ZNF544: variants seen among roughly 807,000 people sequenced by gnomAD.
ZNF544 encodes zinc finger protein AF020591.
Under a neutral mutation model 13.5 loss-of-function variants are expected in ZNF544, and 10 were observed. That is an observed-to-expected ratio of 0.74 (90% CI 0.46 to 1.25). The LOEUF (loss-of-function observed/expected upper bound fraction) is 1.25. ZNF544 is among the 50% of genes most tolerant of loss of function. The pLI, the probability that ZNF544 is intolerant of heterozygous loss-of-function variation, is 0.00. For missense variants in ZNF544, 896 were observed against 845.6 expected (o/e 1.06, Z -0.74); for synonymous variants, 323 against 300.5 (o/e 1.07, Z -0.77).
At chr19:58,238,798 G>A (rs975969339) in intron 3 of ZNF544, among the ~76,000 whole-genome samples, 1 of 151,386 alleles carries the variant, frequency 6.6e-6, no homozygotes, top group Non-Finnish European at 1.5e-5. Flanking sequence ...TCCTTTCCAT[G>A]TAGGGTCACA....
At chr19:58,246,650 C>T in intron 5 of ZNF544, 61 bp from the exon 6 acceptor site, 1 of 1,587,502 alleles carries the variant, frequency 6.3e-7, no homozygotes, top group East Asian at 2.2e-5. Flanking sequence ...GAAGCTTGGA[C>T]CCAGGACATG....
chr19:58,254,748 G>A (rs1208467127), intron 6 of ZNF544, among the ~76,000 whole-genome samples: 1 of 152,146 alleles, frequency 6.6e-6, no homozygotes, highest in Non-Finnish European at 1.5e-5. Flanking sequence ...TTCCTCACAG[G>A]ACTAAGGAGG....
rs756799437 is a variant in ZNF544, at chr19:58,262,001, G to A, written c.1395G>A (p.Glu465=). The A allele has an allele frequency of 1.2e-6, 2 of 1,611,566 alleles. No homozygotes were observed. Among genetic ancestry groups the A allele is most frequent in the African/African-American group, 2.7e-5 (2 of 74,118 alleles). The change falls in exon 7 of 7, where the codon GAG becomes GAA. Residue 465 remains glutamate, a synonymous_variant. Transcript: ENST00000687789. ...QRIHTGEKPY[E]CTHCGKSFSQ... is the part of the protein sequence containing the mutation. ...TTCATACTGGAGAGAAACCGTATGAGTGCACTCACTGTGGAAAGTCCTTCA... is the reference window on the plus strand; with the variant it reads ...TTCATACTGGAGAGAAACCGTATGAATGCACTCACTGTGGAAAGTCCTTCA...
intron 4 of ZNF544, chr19:58,245,983 A>T: frequency 2.7e-6 from 1 of 369,988 alleles, no homozygotes; most frequent in Admixed American, 3.8e-5. Context: ...AACAGAATTG[A>T]CTGCTCATAG....
chr19:58,270,124 TC>T (rs2050446751), intron 5 of ZNF544, among the ~76,000 whole-genome samples: 1 of 152,170 alleles, frequency 6.6e-6, no homozygotes, highest in Admixed American at 6.5e-5. Context: ...TGGTTATAGT[TC>T]CTATGTGAAG....
intron 5 of ZNF544, among the ~76,000 whole-genome samples, chr19:58,271,215 GAAAAAAA>G (rs78260094): frequency 8.6e-6 from 1 of 116,946 alleles, no homozygotes; most frequent in South Asian, 2.8e-4. Flanking sequence ...CCGTCTCCAG[GAAAAAAA>G]AAAAAAAAAA....
intron 5 of ZNF544, among the ~76,000 whole-genome samples, chr19:58,275,810 G>GA (rs1397916855): frequency 1.3e-3 from 94 of 74,126 alleles, no homozygotes; most frequent in African/African-American, 3.5e-3. Context: ...AAAGGAAAGA[G>GA]GAAATAATAG....
intron 3 of ZNF544, among the ~76,000 whole-genome samples, chr19:58,241,574 G>T (rs2043874336): frequency 6.7e-6 from 1 of 150,340 alleles, no homozygotes; most frequent in African/African-American, 2.5e-5. Context: ...TCAGCTCACT[G>T]CAAGCTCCGC....
At chr19:58,238,308 G>A (rs1354506472) in intron 3 of ZNF544, among the ~76,000 whole-genome samples, 1 of 152,176 alleles carries the variant, frequency 6.6e-6, no homozygotes, top group Admixed American at 6.5e-5. Flanking sequence ...GCGAAAAGCT[G>A]GCACTCCACA....
chr19:58,250,087 T>C (rs1216168787), intron 6 of ZNF544, among the ~76,000 whole-genome samples: 1 of 152,208 alleles, frequency 6.6e-6, no homozygotes, highest in African/African-American at 2.4e-5. Context: ...TCTAGTCCAA[T>C]TGGCTGGTAA....
chr19:58,252,041 G>A (rs759773136), intron 6 of ZNF544, among the ~76,000 whole-genome samples: 2 of 152,092 alleles, frequency 1.3e-5, no homozygotes, highest in Admixed American at 6.6e-5. Context: ...TTCTGGTAGG[G>A]TACACTTCAA....
chr19:58,242,200 T>C, intron 3 of ZNF544: 1 of 984,222 alleles, frequency 1.0e-6, no homozygotes, highest in Non-Finnish European at 1.2e-6. Flanking sequence ...TGCTGTGAGG[T>C]GGCCCATGCT....
intron 5 of ZNF544, 88 bp from the exon 6 acceptor site, chr19:58,246,623 G>A (rs934468707): frequency 7.2e-6 from 11 of 1,524,742 alleles, no homozygotes; most frequent in Non-Finnish European, 9.9e-6. Flanking sequence ...AGTTTCCTCG[G>A]GACAGCACTA....
intron 6 of ZNF544, among the ~76,000 whole-genome samples, chr19:58,249,189 C>A (rs1201303746): frequency 6.6e-6 from 1 of 152,174 alleles, no homozygotes; most frequent in Non-Finnish European, 1.5e-5. Flanking sequence ...GGTTTCTTGC[C>A]TCCATACCCT....
chr19:58,274,309 A>T (rs1490615732), intron 5 of ZNF544, among the ~76,000 whole-genome samples: 1 of 152,166 alleles, frequency 6.6e-6, no homozygotes, highest in African/African-American at 2.4e-5. Flanking sequence ...AAAGAGCTGA[A>T]ATGAGGTCAT....
downstream of ZNF544, among the ~76,000 whole-genome samples, chr19:58,269,049 C>T (rs1382285505): frequency 6.6e-6 from 1 of 152,154 alleles, no homozygotes; most frequent in African/African-American, 2.4e-5. Flanking sequence ...GGGAAACTTC[C>T]CCAGGGCTGA....
intron 6 of ZNF544, among the ~76,000 whole-genome samples, chr19:58,249,517 T>C (rs2045946018): frequency 6.6e-6 from 1 of 152,172 alleles, no homozygotes; most frequent in South Asian, 2.1e-4. Context: ...CCAAGGCAAG[T>C]ATAGTCATTA....
chr19:58,253,901 TATTTTCATTTTACCA>T (rs1027948055), intron 6 of ZNF544, among the ~76,000 whole-genome samples: 100 of 152,372 alleles, frequency 6.6e-4, no homozygotes, highest in African/African-American at 2.2e-3. Context: ...AAGACATTTC[TATTTTCATTTTACCA>T]ATAATTTTAA....
At chr19:58,274,877 C>T (rs552905454) in intron 5 of ZNF544, among the ~76,000 whole-genome samples, 2 of 152,210 alleles carry the variant, frequency 1.3e-5, no homozygotes, top group South Asian at 4.1e-4. Context: ...AGAGGAATAG[C>T]ACTGGGTAGT....
Sources: gnomAD v4.1 joint callset for allele counts (sites outside exome capture counted in the v4.1 genomes callset) on GRCh38, gnomAD v4.1.1 for gene constraint, MANE v1.5 for transcripts, NCBI Gene and HGNC (gene_info 2026-07-23, HGNC 2026-07-21) for gene names.